PCDH15: variants seen among roughly 807,000 people sequenced by gnomAD.
PCDH15 encodes protocadherin related 15, also known as protocadherin-15.
A neutral mutation model predicts 178.5 loss-of-function variants in PCDH15; 129 were observed. That is an observed-to-expected ratio of 0.72 (90% CI 0.63 to 0.84). PCDH15 has a LOEUF of 0.84. Ranked by LOEUF, PCDH15 falls within the 40% of genes least tolerant of loss-of-function variation. PCDH15 has a pLI of 0.00. For synonymous variants in PCDH15, 800 were observed against 732.0 expected, an observed-to-expected ratio of 1.09 and a Z score of -1.50; for missense variants, 2,230 against 2,099.9, an observed-to-expected ratio of 1.06 and a Z score of -1.21.
chr10:54,407,666 G>A (rs1952864724), intron 3 of PCDH15, among the ~76,000 whole-genome samples: 1 of 152,086 alleles, frequency 6.6e-6, no homozygotes, highest in Non-Finnish European at 1.5e-5. Flanking sequence ...GGATTCACTT[G>A]TGTCCACAAG....
intron 7 of PCDH15, among the ~76,000 whole-genome samples, chr10:54,328,796 A>C (rs1938753189): frequency 1.3e-5 from 1 of 79,702 alleles, no homozygotes; most frequent in Admixed American, 1.2e-4. Flanking sequence ...TCCAGAGAAG[A>C]GGGAAGTATA....
intron 2 of PCDH15, among the ~76,000 whole-genome samples, chr10:55,133,908 C>T (rs1307441273): frequency 6.6e-6 from 1 of 152,102 alleles, no homozygotes; most frequent in South Asian, 2.1e-4. Flanking sequence ...ATCCAACCGG[C>T]ATCATTACTC....
intron 3 of PCDH15, among the ~76,000 whole-genome samples, chr10:54,425,191 T>C (rs1050466886): frequency 2.0e-5 from 3 of 151,986 alleles, no homozygotes; most frequent in Non-Finnish European, 4.4e-5. Context: ...CAAAATAGGA[T>C]AATATTGAGA....
At chr10:55,062,970 A>C (rs1564761105) in intron 2 of PCDH15, among the ~76,000 whole-genome samples, 1 of 152,126 alleles carries the variant, frequency 6.6e-6, no homozygotes. Context: ...GAATTGCCTC[A>C]TTTATCCCCA....
intron 15 of PCDH15, among the ~76,000 whole-genome samples, chr10:54,095,155 A>G (rs1242806955): frequency 6.6e-6 from 1 of 152,180 alleles, no homozygotes; most frequent in Non-Finnish European, 1.5e-5. Flanking sequence ...ACTTAGGCAA[A>G]CAAGTTCTGA....
At chr10:54,614,140 T>TA (rs1191829470) in intron 2 of PCDH15, among the ~76,000 whole-genome samples, 2 of 151,912 alleles carry the variant, frequency 1.3e-5, no homozygotes, top group African/African-American at 4.8e-5. Flanking sequence ...ACACTAGACC[T>TA]ATATGCACAT....
At chr10:54,313,894 C>T (rs186914390) in intron 8 of PCDH15, among the ~76,000 whole-genome samples, 69 of 152,102 alleles carry the variant, frequency 4.5e-4, no homozygotes, top group Middle Eastern at 3.4e-3. Flanking sequence ...TAAGTTTGTA[C>T]ACTCTGCTTT....
intron 3 of PCDH15, among the ~76,000 whole-genome samples, chr10:54,860,233 C>T (rs1953815520): frequency 6.6e-6 from 1 of 152,022 alleles, no homozygotes; most frequent in African/African-American, 2.4e-5. Context: ...TGTGGTACAA[C>T]TGATTCTATC....
At chr10:55,492,136 T>A (rs1191112016) in intron 2 of PCDH15, among the ~76,000 whole-genome samples, 2 of 151,546 alleles carry the variant, frequency 1.3e-5, no homozygotes, top group African/African-American at 2.4e-5. Flanking sequence ...CCTTGAAAAA[T>A]TTGTGCATGA....
intron 2 of PCDH15, among the ~76,000 whole-genome samples, chr10:54,644,238 G>T (rs1482017899): frequency 6.6e-6 from 1 of 150,512 alleles, no homozygotes; most frequent in Non-Finnish European, 1.5e-5. Flanking sequence ...TCAACAAATA[G>T]ATGAATTTTT....
chr10:55,307,465 T>C lies in PCDH15; in HGVS notation c.-156+12134A>G, dbSNP rs181066042. ...TTGCAGTGAGCCAAGATCGCACCAC[T>C]GCACTCCAGCCTGGGCAACAGAGCA... is the stretch of plus-strand genomic sequence containing the variant. On this transcript the variant is annotated intron_variant, in intron 1 of 5. Coordinates refer to the PCDH15 transcript ENST00000458638. 5.1e-3 allele frequency among the ~76,000 whole-genome samples: 777 copies of C among 151,274 alleles called. 11 individuals carry two copies. The highest frequency in any genetic ancestry group is 0.018 in the African/African-American group (725 of 41,188).
chr10:54,920,401 G>A (rs1837455087), intron 2 of PCDH15, among the ~76,000 whole-genome samples: 1 of 147,906 alleles, frequency 6.8e-6, no homozygotes, highest in African/African-American at 2.5e-5. Flanking sequence ...CCCGGGAGGC[G>A]GAGCTTGCAG....
At chr10:55,525,753 A>G (rs1189319656) in intron 2 of PCDH15, among the ~76,000 whole-genome samples, 3 of 151,886 alleles carry the variant, frequency 2.0e-5, no homozygotes, top group South Asian at 4.1e-4. Context: ...ACGTTCTTTT[A>G]AAGTATTTTC....
intron 3 of PCDH15, 42 bp downstream of exon 3, chr10:54,527,770 C>T: frequency 6.7e-7 from 1 of 1,500,670 alleles, no homozygotes; most frequent in Non-Finnish European, 9.2e-7. Flanking sequence ...CTGAAGAAAA[C>T]CCTCTTAGAT....
intron 2 of PCDH15, among the ~76,000 whole-genome samples, chr10:55,050,751 C>T (rs1318276104): frequency 3.3e-5 from 5 of 152,040 alleles, no homozygotes; most frequent in South Asian, 2.1e-4. Flanking sequence ...GCAGTTCCTG[C>T]GTAGGCAGTC....
In PCDH15 at chr10:54,657,496, T is replaced by A. The variant is rs552550090; in HGVS notation, c.91+6676A>T. On this transcript the variant is annotated intron_variant, in intron 2 of 37. Coordinates refer to ENST00000644397, the MANE Select transcript of PCDH15 (RefSeq NM_001384140.1). Reference sequence around the variant, plus strand: ...ACAGGGCTAGTGAATAAGATAAGCTTCCTGAGACCTCTGTACTCTCAGCCT... The same window carrying A: ...ACAGGGCTAGTGAATAAGATAAGCTACCTGAGACCTCTGTACTCTCAGCCT... 2.6e-5 allele frequency among the ~76,000 whole-genome samples: 4 copies of A among 152,292 alleles called. No homozygotes were observed. The East Asian group carries it at 7.7e-4, about 29-fold the overall frequency.
chr10:54,143,912 T>C (rs2043637648), intron 14 of PCDH15, among the ~76,000 whole-genome samples: 1 of 152,140 alleles, frequency 6.6e-6, no homozygotes. Context: ...GGTTATTTTC[T>C]TAGGGCTTTG....
intron 1 of PCDH15, among the ~76,000 whole-genome samples, chr10:54,746,640 T>A (rs1186163392): frequency 6.6e-6 from 1 of 152,206 alleles, no homozygotes; most frequent in Non-Finnish European, 1.5e-5. Flanking sequence ...AAGGTTTCTA[T>A]GACTCATGTG....
intron 2 of PCDH15, among the ~76,000 whole-genome samples, chr10:55,080,390 A>T (rs1842008430): frequency 6.6e-6 from 1 of 152,068 alleles, no homozygotes; most frequent in Non-Finnish European, 1.5e-5. Flanking sequence ...ATGCCTGATG[A>T]TCTGAGGTGG....
Sources: allele counts gnomAD v4.1 joint callset (sites outside exome capture counted in the v4.1 genomes callset), GRCh38; gene constraint gnomAD v4.1.1; transcripts MANE v1.5; gene names NCBI Gene and HGNC (gene_info 2026-07-23, HGNC 2026-07-21).